The following TJP2 variants were observed in gnomAD, a reference collection of about 807,000 sequenced individuals.
TJP2 encodes tight junction protein 2.
In TJP2, 91 loss-of-function variants were observed where a neutral mutation model predicts 133.1. The ratio of observed to expected loss-of-function variants is 0.68; its 90% CI spans 0.58 to 0.81. The LOEUF is 0.81. Among genes scored for constraint, TJP2 ranks in the 40% least tolerant of loss-of-function variants. The pLI is 0.00. For missense variants in TJP2, 1,541 were observed against 1,565.6 expected, an observed-to-expected ratio of 0.98 and a Z score of 0.26; for synonymous variants, 592 against 583.4, an observed-to-expected ratio of 1.01 and a Z score of -0.21.
At chr9:69,171,704 T>C (rs990044638), upstream of TJP2, among the ~76,000 whole-genome samples, 9 of 151,920 alleles carry the variant, frequency 5.9e-5, no homozygotes, top group African/African-American at 1.7e-4. Flanking sequence ...TCTACTGCAA[T>C]AGACTGAGTT....
rs187522713 is a variant in TJP2, at chr9:69,146,863, C to T, written c.-130-4788C>T. Among the ~76,000 whole-genome samples, 391 of 152,224 alleles carry T rather than the reference C, an allele frequency of 2.6e-3. 12 individuals are homozygous for T. The highest frequency in any genetic ancestry group is 0.023 in the Admixed American group (356 of 15,288). On this transcript the variant is annotated intron_variant, in intron 1 of 5. Transcript: ENST00000423935. ...CGAATTATCCAGCCCACAGTGTCAA[C>T]GGTGCCACTGGTGAGACATTTGATT...
At chr9:69,226,415 C>T (rs1829355634) in intron 7 of TJP2, among the ~76,000 whole-genome samples, 1 of 152,118 alleles carries the variant, frequency 6.6e-6, no homozygotes, top group Non-Finnish European at 1.5e-5. Context: ...ATTAATTAGG[C>T]AATTGAAAGC....
At chr9:69,209,361 T>A (rs1827682112) in intron 1 of TJP2, among the ~76,000 whole-genome samples, 1 of 152,120 alleles carries the variant, frequency 6.6e-6, no homozygotes, top group African/African-American at 2.4e-5. Flanking sequence ...CTTGAACTCC[T>A]GGCCCCAAGT....
At chr9:69,129,378 G>T (rs1443714926) in intron 1 of TJP2, among the ~76,000 whole-genome samples, 1 of 151,846 alleles carries the variant, frequency 6.6e-6, no homozygotes. Flanking sequence ...CAGGCATGGT[G>T]GCGTGTGCTG....
chr9:69,185,949 T>G (rs1251237242), intron 1 of TJP2, among the ~76,000 whole-genome samples: 4 of 151,892 alleles, frequency 2.6e-5, no homozygotes, highest in African/African-American at 9.7e-5. Context: ...TTGTATTTTT[T>G]AGTAGAGATG....
intron 5 of TJP2, 142 bp downstream of exon 5, chr9:69,221,638 C>T: frequency 1.7e-6 from 2 of 1,145,772 alleles, no homozygotes; most frequent in Non-Finnish European, 1.3e-6. Flanking sequence ...ACTGCAACCT[C>T]CACCTCCCGG....
intron 11 of TJP2, among the ~76,000 whole-genome samples, chr9:69,232,058 AGTT>A (rs916478260): frequency 6.6e-6 from 1 of 152,148 alleles, no homozygotes; most frequent in Non-Finnish European, 1.5e-5. Context: ...CCTCTCTGTA[AGTT>A]GTTGTTAGAT....
At chr9:69,150,623 C>T (rs1270975165) in intron 1 of TJP2, among the ~76,000 whole-genome samples, 2 of 152,114 alleles carry the variant, frequency 1.3e-5, no homozygotes, top group Non-Finnish European at 2.9e-5. Flanking sequence ...TAGCTATTTT[C>T]TCACCCGCTG....
chr9:69,230,101 AG>A lies in TJP2; in HGVS notation c.1542del (p.Arg514SerfsTer43). The stretch of plus-strand genomic sequence containing the variant: ...TTGCAGCCCTAATACCAAAATGGTA[AG>A]GTTCAAGAAGGGAGACAGCGTGGGC... ...AIYGPNTKMV[R>X]FKKGDSVGLR... On this transcript the variant is annotated frameshift_variant, in exon 11 of 23. Coordinates refer to ENST00000377245, the MANE Select transcript of TJP2 (RefSeq NM_004817.4). LOFTEE classifies it high-confidence loss of function. 6.2e-7 allele frequency: 1 copy of A among 1,614,172 alleles called. No homozygotes were observed. The highest frequency in any genetic ancestry group is 8.5e-7 in the Non-Finnish European group (1 of 1,180,018).
intron 2 of TJP2, among the ~76,000 whole-genome samples, chr9:69,159,511 G>C (rs1470394473): frequency 6.6e-6 from 1 of 151,972 alleles, no homozygotes; most frequent in African/African-American, 2.4e-5. Context: ...CTGTCAATAC[G>C]CTTTGAAAGA....
chr9:69,138,844 G>T (rs1822889933), intron 1 of TJP2, among the ~76,000 whole-genome samples: 1 of 152,200 alleles, frequency 6.6e-6, no homozygotes. Context: ...TTGAACCTGG[G>T]AGGCGGATGT....
At chr9:69,141,565 C>T (rs1016927170) in intron 1 of TJP2, among the ~76,000 whole-genome samples, 3 of 152,128 alleles carry the variant, frequency 2.0e-5, no homozygotes, top group African/African-American at 7.2e-5. Context: ...GGGATGATAT[C>T]CACCGAATGT....
chr9:69,247,914 G>C, intron 18 of TJP2, 98 bp from the exon 19 acceptor site: 1 of 1,250,260 alleles, frequency 8.0e-7, no homozygotes, highest in African/African-American at 1.5e-5. Flanking sequence ...GCACATCAAG[G>C]TTTCAGTCGC....
At position 69,230,357 on chromosome 9, in the gene TJP2, TGCCCAGCATTGAA is replaced by T. The variant is rs1157395384; in HGVS notation, c.1671+127_1671+139del. ...AATAGAGCAGCTGCAAGTTTGTTGATGCCCAGCATTGAAGTCTCTGTATTCCTCAAATGCGTCC... is the reference window on the plus strand; with the variant it reads ...AATAGAGCAGCTGCAAGTTTGTTGATGTCTCTGTATTCCTCAAATGCGTCC... On this transcript the variant is annotated intron_variant, in intron 11 of 22. Transcript: ENST00000377245. 4.1e-6 allele frequency: 5 copies of T among 1,219,660 alleles called. No individual in the cohort carries two copies. The African/African-American group carries it at 7.4e-5, about 18-fold the overall frequency. The allele number at this position is 1,219,660 out of a possible 1,614,324, so 75.6% of individuals were successfully genotyped here.
chr9:69,212,805 T>G (rs1588070857), intron 2 of TJP2, among the ~76,000 whole-genome samples: 1 of 152,306 alleles, frequency 6.6e-6, no homozygotes, highest in Non-Finnish European at 1.5e-5. Context: ...CTGTTTAGTA[T>G]GGAACATTTT....
intron 19 of TJP2, chr9:69,248,970 CAA>C (rs56986564): frequency 0.3 from 268,682 of 888,284 alleles, 7,388 homozygotes; most frequent in Admixed American, 0.47. Flanking sequence ...ATAGAACTAC[CAA>C]AAAAAAAAAA....
intron 1 of TJP2, among the ~76,000 whole-genome samples, chr9:69,139,927 G>C (rs1392046868): frequency 1.3e-5 from 2 of 152,200 alleles, no homozygotes; most frequent in Non-Finnish European, 2.9e-5. Flanking sequence ...TGTGGTCACT[G>C]GGCAGGCTTC....
chr9:69,191,388 G>A (rs1826193156), intron 1 of TJP2, among the ~76,000 whole-genome samples: 1 of 152,220 alleles, frequency 6.6e-6, no homozygotes, highest in African/African-American at 2.4e-5. Flanking sequence ...TTGTGTTTCT[G>A]AGTTGTTGAC....
intron 1 of TJP2, among the ~76,000 whole-genome samples, chr9:69,183,347 C>T (rs1458446340): frequency 2.0e-5 from 3 of 152,132 alleles, no homozygotes; most frequent in African/African-American, 7.2e-5. Context: ...GATTACCACA[C>T]CTACCTAAAA....
Sources: allele counts gnomAD v4.1 joint callset (sites outside exome capture counted in the v4.1 genomes callset), GRCh38; gene constraint gnomAD v4.1.1; transcripts MANE v1.5; gene names NCBI Gene and HGNC (gene_info 2026-07-23, HGNC 2026-07-21).